ARHGAP10: variants seen among roughly 807,000 people sequenced by gnomAD.
ARHGAP10 encodes the protein rho GTPase-activating protein 10.
A neutral mutation model predicts 108.6 loss-of-function variants in ARHGAP10; 87 were observed. That is an observed-to-expected ratio of 0.80 (90% CI 0.67 to 0.96). The LOEUF is 0.96. Among genes scored for constraint, ARHGAP10 ranks in the 40% least tolerant of loss-of-function variants. The probability of loss-of-function intolerance (pLI) is 0.00; values close to 1 mark genes in which losing one functional copy is unlikely to be tolerated. For synonymous variants in ARHGAP10, 347 were observed against 341.1 expected, an observed-to-expected ratio of 1.02 and a Z score of -0.19; for missense variants, 939 against 954.5, an observed-to-expected ratio of 0.98 and a Z score of 0.21.
At chr4:147,866,284 C>T (rs991022534) in intron 6 of ARHGAP10, 12 of 153,624 alleles carry the variant, frequency 7.8e-5, no homozygotes, top group African/African-American at 2.7e-4. Context: ...ATATCTTTGT[C>T]AACAAAACAC....
chr4:147,849,668 T>C (rs1733780541), intron 4 of ARHGAP10, among the ~76,000 whole-genome samples: 2 of 152,202 alleles, frequency 1.3e-5, no homozygotes, highest in African/African-American at 4.8e-5. Flanking sequence ...TCCCTGTGCT[T>C]TTACCTTCTC....
chr4:147,810,105 G>A (rs895363950), intron 1 of ARHGAP10, among the ~76,000 whole-genome samples: 5 of 151,924 alleles, frequency 3.3e-5, no homozygotes, highest in African/African-American at 7.3e-5. Flanking sequence ...CTTTTTGAGC[G>A]GGAAGAAGAA....
intron 19 of ARHGAP10, among the ~76,000 whole-genome samples, chr4:148,026,823 GA>G (rs1181996041): frequency 6.6e-6 from 1 of 152,172 alleles, no homozygotes; most frequent in Non-Finnish European, 1.5e-5. Context: ...GCTAAGTGCT[GA>G]AAAGATTAGA....
intron 1 of ARHGAP10, among the ~76,000 whole-genome samples, chr4:147,794,115 C>T (rs781076667): frequency 9.9e-5 from 15 of 152,040 alleles, no homozygotes; most frequent in Non-Finnish European, 1.6e-4. Context: ...GGGACAGGCT[C>T]GAACACAAAT....
chr4:148,003,804 C>T (rs1204978288), intron 18 of ARHGAP10, among the ~76,000 whole-genome samples: 2 of 138,806 alleles, frequency 1.4e-5, no homozygotes, highest in Non-Finnish European at 3.0e-5. Flanking sequence ...CTGTGTGTGT[C>T]TCTGCATGTG....
intron 13 of ARHGAP10, among the ~76,000 whole-genome samples, chr4:147,938,802 G>A (rs1032178810): frequency 2.0e-5 from 3 of 152,118 alleles, no homozygotes; most frequent in Admixed American, 2.0e-4. Context: ...TTTAACATTC[G>A]TAGCGGAGAA....
At chr4:147,902,924 C>A (rs567682946) in intron 10 of ARHGAP10, among the ~76,000 whole-genome samples, 2 of 79,102 alleles carry the variant, frequency 2.5e-5, no homozygotes, top group Non-Finnish European at 5.0e-5. Flanking sequence ...GAGGGGAGGG[C>A]GGGGGTGTGT....
intron 18 of ARHGAP10, among the ~76,000 whole-genome samples, chr4:147,969,321 TGC>T: frequency 6.9e-6 from 1 of 145,200 alleles, no homozygotes. Context: ...AGTTTTGTTT[TGC>T]CTTTTTTTTT....
intron 1 of ARHGAP10, among the ~76,000 whole-genome samples, chr4:147,762,059 G>A (rs1312305753): frequency 6.6e-6 from 1 of 152,140 alleles, no homozygotes; most frequent in African/African-American, 2.4e-5. Context: ...CCAGGCTGGA[G>A]TGCAGTGGCA....
intron 20 of ARHGAP10, among the ~76,000 whole-genome samples, chr4:148,053,315 C>T (rs1729223349): frequency 1.3e-5 from 2 of 152,188 alleles, no homozygotes; most frequent in South Asian, 4.1e-4. Context: ...TTCTGAAACC[C>T]AGTGAAACAG....
chr4:148,037,674 A>T (rs143793976), intron 19 of ARHGAP10, among the ~76,000 whole-genome samples: 1,835 of 152,174 alleles, frequency 0.012, 38 homozygotes, highest in African/African-American at 0.042. Flanking sequence ...TTCTCTATTG[A>T]AAATACAAAA....
At chr4:147,947,779 G>A (rs1215685283) in intron 15 of ARHGAP10, among the ~76,000 whole-genome samples, 1 of 152,006 alleles carries the variant, frequency 6.6e-6, no homozygotes, top group Non-Finnish European at 1.5e-5. Context: ...GGATACATTC[G>A]AATCAACTTA....
chr4:147,956,761 T>C (rs899859418), intron 16 of ARHGAP10, among the ~76,000 whole-genome samples: 2 of 150,290 alleles, frequency 1.3e-5, no homozygotes, highest in African/African-American at 4.9e-5. Flanking sequence ...TTTTTTTTTT[T>C]CTTTTATTAT....
At chr4:147,890,414 T>C (rs1735752981) in intron 10 of ARHGAP10, among the ~76,000 whole-genome samples, 1 of 152,256 alleles carries the variant, frequency 6.6e-6, no homozygotes, top group Admixed American at 6.5e-5. Context: ...TTGAAAATAA[T>C]GTCTGATAAG....
chr4:147,740,199 A>T (rs2126678217), intron 1 of ARHGAP10, among the ~76,000 whole-genome samples: 1 of 151,788 alleles, frequency 6.6e-6, no homozygotes, highest in East Asian at 1.9e-4. Context: ...CTAGTATTAT[A>T]GGTGTGTGCC....
intron 19 of ARHGAP10, among the ~76,000 whole-genome samples, chr4:148,035,762 T>C (rs566206313): frequency 6.6e-6 from 1 of 152,314 alleles, no homozygotes; most frequent in East Asian, 1.9e-4. Context: ...TTAGCTTCTT[T>C]CCTTAATGGG....
intron 22 of ARHGAP10, 93 bp downstream of exon 22, chr4:148,064,600 C>T (rs1351815045): frequency 4.5e-5 from 52 of 1,152,074 alleles, no homozygotes; most frequent in South Asian, 6.9e-5. Flanking sequence ...GTGCTGTTGT[C>T]GGGAGGGCGA....
chr4:148,044,970 C>T (rs1395467757), intron 19 of ARHGAP10, among the ~76,000 whole-genome samples: 8 of 152,142 alleles, frequency 5.3e-5, no homozygotes, highest in Admixed American at 5.2e-4. Context: ...AAAGAGCAAT[C>T]ATAGTCTTCT....
At chr4:148,038,402 C>G (rs13102515) in intron 19 of ARHGAP10, among the ~76,000 whole-genome samples, 11,040 of 152,244 alleles carry the variant, frequency 0.073, 521 homozygotes, top group East Asian at 0.19. Flanking sequence ...TCTCATCCTA[C>G]TGCAACATTT....
Sources: gnomAD v4.1 joint callset for allele counts (sites outside exome capture counted in the v4.1 genomes callset) on GRCh38, gnomAD v4.1.1 for gene constraint, MANE v1.5 for transcripts, NCBI Gene and HGNC (gene_info 2026-07-23, HGNC 2026-07-21) for gene names.